The following DOCK3 variants were observed in gnomAD, a reference collection of about 807,000 sequenced individuals.
The protein encoded by DOCK3 is dedicator of cytokinesis 3.
DOCK3 carries 60 observed loss-of-function variants against 265.6 expected under a neutral mutation model. The ratio of observed to expected loss-of-function variants is 0.23; its 90% CI spans 0.18 to 0.28. The LOEUF is 0.28. Among genes scored for constraint, DOCK3 ranks in the 10% least tolerant of loss-of-function variants. The probability of loss-of-function intolerance (pLI) is 1.00; values close to 1 mark genes in which losing one functional copy is unlikely to be tolerated. For synonymous variants in DOCK3, 881 were observed against 938.0 expected (o/e 0.94, Z 1.11); for missense variants, 1,981 against 2,594.3 (o/e 0.76, Z 5.14).
chr3:50,710,937 A>T (rs1286621676), intron 1 of DOCK3, among the ~76,000 whole-genome samples: 1 of 152,222 alleles, frequency 6.6e-6, no homozygotes, highest in African/African-American at 2.4e-5. Flanking sequence ...TCTCACTTGT[A>T]AGTGGGAGCT....
intron 23 of DOCK3, among the ~76,000 whole-genome samples, chr3:51,265,389 C>A (rs2080108601): frequency 6.6e-6 from 1 of 152,150 alleles, no homozygotes; most frequent in South Asian, 2.1e-4. Context: ...CTGGCAGGGA[C>A]ACAACAAAAA....
Position 51,358,019 on chromosome 3 carries a change from G to A in DOCK3, c.4826G>A (p.Arg1609Gln), listed in dbSNP as rs754678735. 4 of 1,613,984 alleles carry A rather than the reference G, an allele frequency of 2.5e-6. No individual in the cohort carries two copies. Among genetic ancestry groups the A allele is most frequent in the South Asian group, 1.1e-5 (1 of 91,082 alleles). ...VHEKFVHPEM[R>Q]PLHKKLIDQF... ...GAGAAGTTTGTGCACCCAGAAATGC[G>A]GCCTCTGCATAAGAAGCTAATTGAT... The change falls in exon 46 of 53, where the codon CGG (arginine) becomes CAG (glutamine). Residue 1609 changes from arginine to glutamine, a missense_variant. Physicochemically the swap from Arg to Gln is conservative, Grantham distance 43. This residue lies in a region of DOCK3 where 1,357 missense variants were observed against 1,866.8 expected (regional missense o/e 0.73). Coordinates refer to ENST00000266037, the MANE Select transcript of DOCK3 (RefSeq NM_004947.5).
intron 4 of DOCK3, among the ~76,000 whole-genome samples, chr3:50,924,177 G>A (rs1424141858): frequency 6.6e-6 from 1 of 152,146 alleles, no homozygotes; most frequent in South Asian, 2.1e-4. Flanking sequence ...CAAAAAATTT[G>A]CAAGTGAGTC....
intron 27 of DOCK3, among the ~76,000 whole-genome samples, chr3:51,308,152 G>A (rs114184227): frequency 0.011 from 1,734 of 152,016 alleles, 41 homozygotes; most frequent in African/African-American, 0.04. Flanking sequence ...CTACTGTGGA[G>A]GTGGGAGGGG....
intron 23 of DOCK3, among the ~76,000 whole-genome samples, chr3:51,263,116 C>G (rs1172136564): frequency 6.6e-6 from 1 of 152,122 alleles, no homozygotes; most frequent in South Asian, 2.1e-4. Context: ...GACACATAAT[C>G]GTCAGAATCA....
intron 9 of DOCK3, among the ~76,000 whole-genome samples, chr3:51,113,789 T>G (rs1349165141): frequency 6.6e-6 from 1 of 152,208 alleles, no homozygotes; most frequent in East Asian, 1.9e-4. Flanking sequence ...TATTTGAAGT[T>G]TGATTCAAAG....
rs782446257 is a variant in DOCK3 at position 51,381,494 on chromosome 3, C to G, written c.6028C>G (p.Pro2010Ala). 3.7e-5 allele frequency: 59 copies of G among 1,584,848 alleles called. No individual in the cohort carries two copies. Among genetic ancestry groups the G allele is most frequent in the Middle Eastern group, 1.8e-4 (1 of 5,688 alleles). Reference sequence around the variant, plus strand: ...AGGCCTGCACCGCAAGGCTCCATTGCCTCCTGGGAGCGCTAAGGAGGAGCA... The same window carrying G: ...AGGCCTGCACCGCAAGGCTCCATTGGCTCCTGGGAGCGCTAAGGAGGAGCA... ...PRGLHRKAPL[P>A]PGSAKEEQAR... is the part of the protein sequence containing the mutation. Residue 2010 changes from proline to alanine, a missense_variant, in exon 53 of 53, where the codon CCT becomes GCT. By Grantham distance (27) the Pro-to-Ala change is conservative. Around this residue, in one of 4 missense-constraint regions of DOCK3, gnomAD observed 149 missense variants for 144.7 expected, o/e 1.03. Coordinates refer to ENST00000266037, the MANE Select transcript of DOCK3 (RefSeq NM_004947.5). The surrounding 1 kb of genome is among the most constrained non-coding windows in gnomAD (Gnocchi z 5.6).
chr3:51,021,362 A>G (rs2079583324), intron 5 of DOCK3, among the ~76,000 whole-genome samples: 1 of 152,084 alleles, frequency 6.6e-6, no homozygotes, highest in Admixed American at 6.6e-5. Flanking sequence ...ACAAAGGGAA[A>G]CCCCATCAGA....
intron 3 of DOCK3, among the ~76,000 whole-genome samples, chr3:50,875,770 TTG>T (rs1472945954): frequency 1.3e-5 from 2 of 152,214 alleles, no homozygotes; most frequent in East Asian, 3.9e-4. Flanking sequence ...TTCTTGTTTG[TTG>T]TGTCCCTGTC....
chr3:51,099,277 T>C (rs949812810), intron 9 of DOCK3, among the ~76,000 whole-genome samples: 1 of 152,220 alleles, frequency 6.6e-6, no homozygotes, highest in Non-Finnish European at 1.5e-5. Flanking sequence ...AGATATATAC[T>C]TTGGCCTGTG....
At chr3:50,880,505 G>A (rs867710720) in intron 3 of DOCK3, 14 of 192,504 alleles carry the variant, frequency 7.3e-5, no homozygotes, top group East Asian at 1.7e-4. Context: ...ACACCTCTAC[G>A]CAAATGAGCT....
At chr3:51,048,259 A>G (rs1188256321) in intron 5 of DOCK3, among the ~76,000 whole-genome samples, 2 of 152,206 alleles carry the variant, frequency 1.3e-5, no homozygotes, top group Non-Finnish European at 2.9e-5. Flanking sequence ...CATGTATGAC[A>G]GCCTCACAGC....
At chr3:50,837,915 A>C (rs1051944105) in intron 2 of DOCK3, among the ~76,000 whole-genome samples, 1 of 152,130 alleles carries the variant, frequency 6.6e-6, no homozygotes, top group Non-Finnish European at 1.5e-5. Context: ...GATGGGGAGA[A>C]GCAGAGAGAG....
chr3:50,741,714 G>A (rs1414709973), intron 1 of DOCK3, among the ~76,000 whole-genome samples: 1 of 151,450 alleles, frequency 6.6e-6, no homozygotes, highest in Non-Finnish European at 1.5e-5. Flanking sequence ...TTGCTATTGT[G>A]AATAGTGCCG....
chr3:51,134,344 A>T (rs1477652150), intron 9 of DOCK3, among the ~76,000 whole-genome samples: 1 of 152,172 alleles, frequency 6.6e-6, no homozygotes, highest in East Asian at 1.9e-4. Context: ...TGAAGACCTG[A>T]TAGGGGCTGT....
At chr3:50,983,046 C>T (rs1013685819) in intron 5 of DOCK3, among the ~76,000 whole-genome samples, 2 of 152,162 alleles carry the variant, frequency 1.3e-5, no homozygotes, top group African/African-American at 2.4e-5. Flanking sequence ...GAGCAGGGTT[C>T]GGGCCAAGCC....
chr3:51,171,481 C>G (rs887181441), intron 12 of DOCK3, among the ~76,000 whole-genome samples: 2 of 151,956 alleles, frequency 1.3e-5, no homozygotes, highest in Non-Finnish European at 2.9e-5. Flanking sequence ...CTTTGGGAGG[C>G]CAAGGCGGGC....
chr3:50,968,647 T>G (rs950049735), intron 5 of DOCK3, among the ~76,000 whole-genome samples: 1 of 151,874 alleles, frequency 6.6e-6, no homozygotes, highest in Non-Finnish European at 1.5e-5. Context: ...CCTCCTAGGT[T>G]CAAGTGATTC....
At chr3:50,767,300 T>A (rs143989798) in intron 1 of DOCK3, among the ~76,000 whole-genome samples, 1 of 152,084 alleles carries the variant, frequency 6.6e-6, no homozygotes, top group Non-Finnish European at 1.5e-5. Flanking sequence ...TTTGTATAAG[T>A]TGTAAGGAAG....
Sources: gnomAD v4.1 joint callset for allele counts (sites outside exome capture counted in the v4.1 genomes callset) on GRCh38, gnomAD v4.1.1 for gene constraint, gnomAD v4.1.1 regional missense constraint, Gnocchi (gnomAD v3.1) non-coding constraint, MANE v1.5 for transcripts, NCBI Gene and HGNC (gene_info 2026-07-23, HGNC 2026-07-21) for gene names.